The following ATP8B1 variants were observed in gnomAD, a reference collection of about 807,000 sequenced individuals.
ATP8B1 encodes phospholipid-transporting ATPase IC.
ATP8B1 carries 80 observed loss-of-function variants against 149.9 expected under a neutral mutation model. The ratio of observed to expected loss-of-function variants is 0.53; its 90% CI spans 0.45 to 0.64. ATP8B1 has a LOEUF of 0.64. ATP8B1 is among the 30% of genes least tolerant of loss of function. ATP8B1 has a pLI of 0.00. For synonymous variants in ATP8B1, 536 were observed against 562.8 expected (o/e 0.95, Z 0.67); for missense variants, 1,247 against 1,552.6 (o/e 0.80, Z 3.31).
At chr18:57,719,237 A>G (rs1263128856) in intron 2 of ATP8B1, among the ~76,000 whole-genome samples, 1 of 152,194 alleles carries the variant, frequency 6.6e-6, no homozygotes, top group African/African-American at 2.4e-5. Flanking sequence ...AAATCAAGAA[A>G]ATAATCCCAT....
At chr18:57,719,246 A>G (rs1313706637) in intron 2 of ATP8B1, among the ~76,000 whole-genome samples, 2 of 152,168 alleles carry the variant, frequency 1.3e-5, no homozygotes, top group African/African-American at 4.8e-5. Flanking sequence ...AAATAATCCC[A>G]TTGGGAGGAG....
At chr18:57,665,464 TAAAC>T (rs1910789895) in intron 20 of ATP8B1, among the ~76,000 whole-genome samples, 1 of 152,030 alleles carries the variant, frequency 6.6e-6, no homozygotes, top group Non-Finnish European at 1.5e-5. Flanking sequence ...CTACAAAAAA[TAAAC>T]AAAGCCATAT....
At chr18:57,760,309 T>TG (rs2080136327) in intron 1 of ATP8B1, among the ~76,000 whole-genome samples, 1 of 152,234 alleles carries the variant, frequency 6.6e-6, no homozygotes, top group African/African-American at 2.4e-5. Context: ...GGATAATGCC[T>TG]GGGTGGATGA....
intron 1 of ATP8B1, among the ~76,000 whole-genome samples, chr18:57,756,316 T>TATATATATATATATA (rs1290813737): frequency 6.9e-6 from 1 of 145,014 alleles, no homozygotes; most frequent in African/African-American, 2.6e-5. Context: ...TATATATATA[T>TATATATATATATATA]TTGAGACTGA....
intron 2 of ATP8B1, among the ~76,000 whole-genome samples, chr18:57,720,598 A>C (rs986441488): frequency 8.0e-6 from 1 of 124,324 alleles, no homozygotes; most frequent in Non-Finnish European, 1.7e-5. Context: ...GGACTATGTG[A>C]AAAGACCAAA....
chr18:57,765,700 A>G (rs2080205449), intron 1 of ATP8B1, among the ~76,000 whole-genome samples: 1 of 151,480 alleles, frequency 6.6e-6, no homozygotes, highest in African/African-American at 2.4e-5. Context: ...GTTAAGGTCA[A>G]GCGCATTGGC....
chr18:57,762,139 A>AT lies in ATP8B1; in HGVS notation c.-25-30308dup, dbSNP rs1410702001. 3.3e-3 allele frequency among the ~76,000 whole-genome samples: 261 copies of AT among 78,714 alleles called. 1 individual carries two copies. Among genetic ancestry groups the AT allele is most frequent in the African/African-American group, 6.7e-3 (111 of 16,586 alleles). The allele number at this position is 78,714 out of a possible 152,430, so 51.6% of individuals were successfully genotyped here. ...CACACACACACACATATATATATATATATTTTTTTTTTCTTTTGAGACAGG... is the reference window on the plus strand; with the variant it reads ...CACACACACACACATATATATATATATTATTTTTTTTTTCTTTTGAGACAGG... On this transcript the variant is annotated intron_variant, in intron 1 of 27. Transcript: ENST00000648908.
chr18:57,778,169 C>T lies in ATP8B1; in HGVS notation c.-26+24829G>A, dbSNP rs115319815. On this transcript the variant is annotated intron_variant, in intron 1 of 27. Coordinates refer to ENST00000648908, the MANE Select transcript of ATP8B1 (RefSeq NM_001374385.1). ...TTATCTGTTGCTGCCTAACAAAATA[C>T]CCCCAAATTTAGCAGTTTGAACCAC... Among the ~76,000 whole-genome samples, 1,347 of 152,150 alleles carry T rather than the reference C, an allele frequency of 8.9e-3. 23 individuals are homozygous for T. Among genetic ancestry groups the T allele is most frequent in the African/African-American group, 0.032 (1,312 of 41,498 alleles).
At position 57,747,450 on chromosome 18, in the gene ATP8B1, T is replaced by C. The variant is rs1158377625; in HGVS notation, c.-25-15618A>G. Among the ~76,000 whole-genome samples the C allele has an allele frequency of 8.6e-5, 5 of 58,020 alleles. No homozygotes were observed. The East Asian group carries it at 1.2e-3, about 14-fold the overall frequency. The allele number at this position is 58,020 out of a possible 152,430, so 38.1% of individuals were successfully genotyped here. A position where few individuals can be genotyped will look rare whatever the true frequency, so the allele number is the denominator to read the frequency against. On this transcript the variant is annotated intron_variant, in intron 1 of 27. Coordinates refer to ENST00000648908, the MANE Select transcript of ATP8B1 (RefSeq NM_001374385.1). ...TCTGGGTGACAAGAGCAAAACTCTA[T>C]CTCAAAAAAAAAAAAAAAAGAGAAA...
intron 2 of ATP8B1, among the ~76,000 whole-genome samples, chr18:57,730,865 A>T (rs2079757221): frequency 6.6e-6 from 1 of 151,704 alleles, no homozygotes; most frequent in South Asian, 2.1e-4. Context: ...ATACACAAGG[A>T]TGGTTATTTA....
intron 22 of ATP8B1, 117 bp from the exon 23 acceptor site, chr18:57,655,534 TA>T (rs1909942504): frequency 1.1e-6 from 1 of 915,688 alleles, no homozygotes; most frequent in South Asian, 1.4e-5. Context: ...GATGGAACAA[TA>T]ATACAGAAGC....
chr18:57,676,439 G>C (rs1346367835), intron 15 of ATP8B1, among the ~76,000 whole-genome samples: 3 of 151,716 alleles, frequency 2.0e-5, no homozygotes. Flanking sequence ...AACCACACAG[G>C]CTGGGTGCAG....
rs1003000251 is a variant in ATP8B1, at chr18:57,669,177, A to T, written c.2097+141T>A. On this transcript the variant is annotated intron_variant, in intron 18 of 27. Transcript: ENST00000648908. ...TCCTATTTTGGTGAATAAAAGAAAT[A>T]ACCTTCTTCCATTGTGCCAGTGTCA... The T allele has an allele frequency of 1.9e-5, 17 of 885,024 alleles. No individual in the cohort carries two copies. In the African/African-American group the frequency reaches 2.7e-4, roughly 14 times the overall value. The allele number at this position is 885,024 out of a possible 1,614,324, so 54.8% of individuals were successfully genotyped here.
chr18:57,787,431 GCGGGAGGAGCTCCATCTAGAA>G (rs1156765289), intron 1 of ATP8B1, among the ~76,000 whole-genome samples: 1 of 135,516 alleles, frequency 7.4e-6, no homozygotes, highest in Non-Finnish European at 1.7e-5. Flanking sequence ...CTAGAACACT[GCGGGAGGAGCTCCATCTAGAA>G]CACTGCGGGA....
Position 57,713,157 on chromosome 18 carries a change from C to CTCTTTCTTTCTTTCTTTCTT in ATP8B1, c.182-6590_182-6571dup, listed in dbSNP as rs760611716. 1.7e-3 allele frequency among the ~76,000 whole-genome samples: 161 copies of CTCTTTCTTTCTTTCTTTCTT among 92,014 alleles called. 12 individuals carry two copies. The highest frequency in any genetic ancestry group is 6.1e-3 in the East Asian group (16 of 2,636). The allele number at this position is 92,014 out of a possible 152,430, so 60.4% of individuals were successfully genotyped here. A position where few individuals can be genotyped will look rare whatever the true frequency, so the allele number is the denominator to read the frequency against. On this transcript the variant is annotated intron_variant, in intron 2 of 27. Coordinates refer to ENST00000648908, the MANE Select transcript of ATP8B1 (RefSeq NM_001374385.1). Reference sequence around the variant, plus strand: ...GTGCTTTGTCTTGCTCTTGATCTTTCTCTTTCTTTCTTTCTTTCTTTCTTT... The same window carrying CTCTTTCTTTCTTTCTTTCTT: ...GTGCTTTGTCTTGCTCTTGATCTTTCTCTTTCTTTCTTTCTTTCTTTCTTTCTTTCTTTCTTTCTTTCTTT...
intron 1 of ATP8B1, among the ~76,000 whole-genome samples, chr18:57,759,435 T>C (rs963732423): frequency 1.6e-4 from 25 of 152,110 alleles, no homozygotes; most frequent in African/African-American, 5.8e-4. Context: ...TAAATATTCA[T>C]TGAGAATTTT....
intron 4 of ATP8B1, among the ~76,000 whole-genome samples, chr18:57,702,814 G>A (rs1196939101): frequency 1.3e-5 from 2 of 149,246 alleles, no homozygotes; most frequent in South Asian, 2.1e-4. Context: ...CTGAGATCAC[G>A]CCATTGCACT....
intron 2 of ATP8B1, among the ~76,000 whole-genome samples, chr18:57,714,509 T>C (rs1442640500): frequency 6.6e-6 from 1 of 151,046 alleles, no homozygotes; most frequent in Non-Finnish European, 1.5e-5. Context: ...GATGGCCATA[T>C]TGGTGCTTGT....
intron 11 of ATP8B1, among the ~76,000 whole-genome samples, chr18:57,692,390 G>A (rs1912578242): frequency 6.8e-6 from 1 of 147,118 alleles, no homozygotes; most frequent in Admixed American, 6.8e-5. Flanking sequence ...AGGCTGAACT[G>A]GAAAACTGGA....
Sources: gnomAD v4.1 joint callset for allele counts (sites outside exome capture counted in the v4.1 genomes callset) on GRCh38, gnomAD v4.1.1 for gene constraint, MANE v1.5 for transcripts, NCBI Gene and HGNC (gene_info 2026-07-23, HGNC 2026-07-21) for gene names.